The following CYYR1 variants were observed in gnomAD, a reference collection of about 807,000 sequenced individuals.
CYYR1 encodes the protein cysteine and tyrosine-rich protein 1.
CYYR1 carries 14 observed loss-of-function variants against 15.2 expected under a neutral mutation model. The ratio of observed to expected loss-of-function variants is 0.92; its 90% CI spans 0.61 to 1.44. The LOEUF (loss-of-function observed/expected upper bound fraction) is 1.44. Ranked by LOEUF, CYYR1 falls within the 40% of genes most tolerant of loss-of-function variation. CYYR1 has a pLI of 0.00. For synonymous variants in CYYR1, 80 were observed against 77.4 expected, an observed-to-expected ratio of 1.03 and a Z score of -0.18; for missense variants, 228 against 209.5, an observed-to-expected ratio of 1.09 and a Z score of -0.54.
intron 2 of CYYR1, among the ~76,000 whole-genome samples, chr21:26,546,870 G>C (rs927511931): frequency 6.6e-6 from 1 of 152,146 alleles, no homozygotes; most frequent in Non-Finnish European, 1.5e-5. Context: ...CCAGCTCAGG[G>C]AGGAAGTTCA....
chr21:26,532,041 A>G (rs1412412379), intron 2 of CYYR1, among the ~76,000 whole-genome samples: 1 of 152,118 alleles, frequency 6.6e-6, no homozygotes, highest in East Asian at 1.9e-4. Context: ...GGATTCTGTA[A>G]TTTGAAGGAT....
At chr21:26,568,803 A>C (rs1489681461) in intron 1 of CYYR1, 1 of 152,202 alleles carries the variant, frequency 6.6e-6, no homozygotes, top group African/African-American at 2.4e-5. Flanking sequence ...AAGGACATCA[A>C]CCAGACACTT....
intron 2 of CYYR1, among the ~76,000 whole-genome samples, chr21:26,481,208 A>G (rs1452759661): frequency 1.3e-5 from 2 of 152,156 alleles, no homozygotes; most frequent in Non-Finnish European, 2.9e-5. Context: ...CTTTATCAAA[A>G]TATAAATTTT....
intron 2 of CYYR1, among the ~76,000 whole-genome samples, chr21:26,560,410 C>A (rs1162662851): frequency 6.6e-6 from 1 of 151,920 alleles, no homozygotes; most frequent in South Asian, 2.1e-4. Context: ...TCTTTATTAC[C>A]TTTTTAAAAA....
chr21:26,496,523 CA>C (rs1453210722), intron 2 of CYYR1, among the ~76,000 whole-genome samples: 2 of 152,022 alleles, frequency 1.3e-5, no homozygotes, highest in Non-Finnish European at 2.9e-5. Context: ...CATGGATGTA[CA>C]AAATGAATAT....
intron 2 of CYYR1, among the ~76,000 whole-genome samples, chr21:26,497,879 T>C (rs927486091): frequency 6.6e-6 from 1 of 152,220 alleles, no homozygotes; most frequent in Admixed American, 6.5e-5. Flanking sequence ...CAGACTCTTA[T>C]TGTAAGATCA....
chr21:26,477,852 A>G (rs1360054208), intron 3 of CYYR1: 2 of 1,229,808 alleles, frequency 1.6e-6, no homozygotes, highest in Non-Finnish European at 2.0e-6. Flanking sequence ...AATTCCATCT[A>G]TTTTTTTCCT....
chr21:26,527,750 G>A (rs1237053653), intron 2 of CYYR1, among the ~76,000 whole-genome samples: 1 of 152,134 alleles, frequency 6.6e-6, no homozygotes, highest in Admixed American at 6.6e-5. Context: ...TCAGGTTTGA[G>A]GTATCAGAAT....
intron 2 of CYYR1, chr21:26,503,727 T>G (rs1441027073): frequency 6.6e-6 from 1 of 152,138 alleles, no homozygotes. Flanking sequence ...TAAGTCACAA[T>G]AAAACACTTA....
intron 2 of CYYR1, among the ~76,000 whole-genome samples, chr21:26,494,049 G>T (rs1457688832): frequency 6.6e-6 from 1 of 152,176 alleles, no homozygotes. Flanking sequence ...CCTGCAGTCT[G>T]ATCTTTCCAT....
At chr21:26,520,113 G>GATAGATATATATATATATATATATAT (rs1323824516) in intron 2 of CYYR1, among the ~76,000 whole-genome samples, 4 of 120,702 alleles carry the variant, frequency 3.3e-5, no homozygotes, top group African/African-American at 1.0e-4. Flanking sequence ...AAACCCAGGA[G>GATAGATATATATATATATATATATAT]ATATATATAT....
At chr21:26,522,279 T>C (rs1033632052) in intron 2 of CYYR1, among the ~76,000 whole-genome samples, 1 of 152,214 alleles carries the variant, frequency 6.6e-6, no homozygotes, top group Admixed American at 6.5e-5. Context: ...TTAAGTGGAC[T>C]TGAAAGTCCC....
intron 2 of CYYR1, among the ~76,000 whole-genome samples, chr21:26,484,366 A>G (rs1246671152): frequency 2.6e-5 from 4 of 152,064 alleles, no homozygotes; most frequent in African/African-American, 9.7e-5. Context: ...ACTTTTCCCC[A>G]CCTACATACA....
chr21:26,547,881 T>A (rs1979092107), intron 2 of CYYR1, among the ~76,000 whole-genome samples: 1 of 151,274 alleles, frequency 6.6e-6, no homozygotes, highest in Non-Finnish European at 1.5e-5. Flanking sequence ...GATTTACCCA[T>A]CATGTATGAA....
At chr21:26,517,286 C>G (rs1778732906) in intron 2 of CYYR1, among the ~76,000 whole-genome samples, 1 of 152,072 alleles carries the variant, frequency 6.6e-6, no homozygotes, top group African/African-American at 2.4e-5. Flanking sequence ...CTTCTGCAAT[C>G]CATTGTTTAC....
At chr21:26,488,912 A>G (rs1291258287) in intron 2 of CYYR1, among the ~76,000 whole-genome samples, 2 of 152,190 alleles carry the variant, frequency 1.3e-5, no homozygotes, top group African/African-American at 4.8e-5. Flanking sequence ...TTTAAAAAAA[A>G]TTATTAAAGT....
chr21:26,503,516 AT>A (rs1182830004), intron 2 of CYYR1: 1 of 152,154 alleles, frequency 6.6e-6, no homozygotes, highest in African/African-American at 2.4e-5. Context: ...TAATATTCGT[AT>A]GTGTGTGAAA....
At chr21:26,520,076 T>G (rs1415530401) in intron 2 of CYYR1, among the ~76,000 whole-genome samples, 1 of 145,924 alleles carries the variant, frequency 6.9e-6, no homozygotes, top group East Asian at 2.0e-4. Flanking sequence ...TCATGCCTTC[T>G]TTTTCTTTAT....
intron 2 of CYYR1, among the ~76,000 whole-genome samples, chr21:26,519,495 A>C (rs2065775047): frequency 6.6e-6 from 1 of 152,262 alleles, no homozygotes; most frequent in African/African-American, 2.4e-5. Context: ...AGGAAAGTGC[A>C]TATGGGAAAA....
Sources: allele counts gnomAD v4.1 joint callset (sites outside exome capture counted in the v4.1 genomes callset), GRCh38; gene constraint gnomAD v4.1.1; transcripts MANE v1.5; gene names NCBI Gene and HGNC (gene_info 2026-07-23, HGNC 2026-07-21).